Variants in INTS6L observed in about 807,000 individuals in gnomAD.
INTS6L encodes integrator complex subunit 6 like.
Under a neutral mutation model 64.7 loss-of-function variants are expected in INTS6L, and 18 were observed. That is an observed-to-expected ratio of 0.28 (90% CI 0.19 to 0.41). The LOEUF (loss-of-function observed/expected upper bound fraction) is 0.41, where lower values mean the gene tolerates loss of function less well. Among genes scored for constraint, INTS6L ranks in the 10% least tolerant of loss-of-function variants. The pLI, the probability that INTS6L is intolerant of heterozygous loss-of-function variation, is 1.00. For missense variants in INTS6L, 533 were observed against 661.0 expected, an observed-to-expected ratio of 0.81 and a Z score of 2.12; for synonymous variants, 227 against 235.9, an observed-to-expected ratio of 0.96 and a Z score of 0.34.
At chrX:135,552,194 C>T (rs1280608067) in intron 8 of INTS6L, 48 bp downstream of exon 8, 2 of 1,077,377 alleles carry the variant, frequency 1.9e-6, no homozygotes, top group Non-Finnish European at 1.2e-6. Flanking sequence ...ACTCTAGGAT[C>T]TGGGAATTGT....
chrX:135,559,092 T>G (rs1434692618), intron 9 of INTS6L, among the ~76,000 whole-genome samples: 3 of 112,039 alleles, frequency 2.7e-5, no homozygotes, highest in African/African-American at 9.7e-5. Flanking sequence ...CTAAACACAA[T>G]TTTTAATAGG....
chrX:135,570,232 C>T, intron 10 of INTS6L: 3 of 309,795 alleles, frequency 9.7e-6, no homozygotes, highest in South Asian at 1.0e-4. Flanking sequence ...TCTTCTTATC[C>T]CACTCTCTTC....
Position 135,581,631 on chromosome X carries a change from T to C in INTS6L, c.2692T>C (p.Cys898Arg). The C allele has an allele frequency of 1.7e-6, 2 of 1,204,210 alleles. No homozygotes were observed. The highest frequency in any genetic ancestry group is 1.1e-6 in the Non-Finnish European group (1 of 889,600). The change falls in exon 18 of 18, where the codon TGT becomes CGT. Residue 898 changes from cysteine (C) to arginine (R), a missense_variant. Physicochemically the swap from Cys to Arg is radical, Grantham distance 180 (BLOSUM62 -3). Transcript: ENST00000639893. ...TAGTCACATCAACAGCAGATCATCA[T>C]GTTAGTGCAAAGACCAGTGAGAAAA... ...NISHINSRSS[C>R] is the part of the protein sequence containing the mutation.
intron 7 of INTS6L, among the ~76,000 whole-genome samples, chrX:135,551,519 A>C (rs782665192): frequency 1.6e-4 from 18 of 112,023 alleles, no homozygotes; most frequent in African/African-American, 5.2e-4. Flanking sequence ...ACTATTTTTC[A>C]TCTTGCTTGT....
chrX:135,566,281 T>G (rs1200738762), intron 9 of INTS6L, among the ~76,000 whole-genome samples: 2 of 112,451 alleles, frequency 1.8e-5, no homozygotes, highest in Non-Finnish European at 3.8e-5. Context: ...TGTTTAGAAC[T>G]TGCCTGGCAA....
chrX:135,576,198 G>A (rs1556530812), intron 14 of INTS6L, among the ~76,000 whole-genome samples: 1 of 109,915 alleles, frequency 9.1e-6, no homozygotes, highest in African/African-American at 3.3e-5. Flanking sequence ...GTGGTGGTGG[G>A]TGCCTGTAAT....
At chrX:135,567,717 A>G (rs931039744) in intron 9 of INTS6L, among the ~76,000 whole-genome samples, 3 of 112,148 alleles carry the variant, frequency 2.7e-5, no homozygotes. Flanking sequence ...AACAGGATAT[A>G]TCCATGGTCT....
intron 9 of INTS6L, among the ~76,000 whole-genome samples, chrX:135,567,607 T>G (rs1556525389): frequency 3.6e-5 from 4 of 112,265 alleles, no homozygotes; most frequent in Non-Finnish European, 7.5e-5. Context: ...CTTGATTATC[T>G]AATCTATTTA....
At position 135,575,027 on chromosome X, in the gene INTS6L, C is replaced by T. The variant is rs782279126; in HGVS notation, c.1742-57C>T. ...AAACCAAACTATGATCATGTCTTCT[C>T]GAAAGGACCATACGCTTCAGCTATA... is the stretch of plus-strand genomic sequence containing the variant. On this transcript the variant is annotated intron_variant, in intron 13 of 17. Coordinates refer to ENST00000639893, the MANE Select transcript of INTS6L (RefSeq NM_001351601.3). The T allele has an allele frequency of 2.1e-5, 24 of 1,166,887 alleles. No individual in the cohort carries two copies. In the Admixed American group the frequency reaches 2.1e-4, roughly 10 times the overall value.
At chrX:135,563,633 G>GTGTGTGTGTATA (rs1556523326) in intron 9 of INTS6L, among the ~76,000 whole-genome samples, 75 of 10,369 alleles carry the variant, frequency 7.2e-3, no homozygotes, top group African/African-American at 0.013. Flanking sequence ...GTGTGTGTGT[G>GTGTGTGTGTATA]TATATATATA....
intron 8 of INTS6L, among the ~76,000 whole-genome samples, chrX:135,554,809 G>A (rs1242887458): frequency 1.9e-5 from 2 of 107,951 alleles, no homozygotes; most frequent in Non-Finnish European, 3.8e-5. Flanking sequence ...AAATCAATAA[G>A]GAGTAAGAAA....
At chrX:135,545,652 G>A in intron 3 of INTS6L, 80 bp downstream of exon 3, 1 of 970,886 alleles carries the variant, frequency 1.0e-6, no homozygotes. Flanking sequence ...TGATTACTAA[G>A]TTTTCTGCTA....
chrX:135,581,275 C>G, intron 17 of INTS6L, 132 bp downstream of exon 17: 1 of 504,677 alleles, frequency 2.0e-6, no homozygotes, highest in Non-Finnish European at 3.2e-6. Flanking sequence ...ATAGTTAAGG[C>G]TGTCTCCAGA....
chrX:135,568,642 C>T (rs935858634), intron 9 of INTS6L, among the ~76,000 whole-genome samples: 4 of 111,053 alleles, frequency 3.6e-5, no homozygotes, highest in Non-Finnish European at 7.6e-5. Context: ...CTCAACCTCC[C>T]AGGCTCAAGC....
intron 9 of INTS6L, among the ~76,000 whole-genome samples, chrX:135,569,125 G>A (rs993947627): frequency 4.5e-5 from 5 of 111,923 alleles, no homozygotes; most frequent in Non-Finnish European, 9.4e-5. Context: ...GCAGATGAAA[G>A]AGGAATATGT....
At chrX:135,523,933 G>C (rs782327956) in intron 2 of INTS6L, among the ~76,000 whole-genome samples, 1 of 111,322 alleles carries the variant, frequency 9.0e-6, no homozygotes, top group South Asian at 3.7e-4. Flanking sequence ...ATTAATCGTT[G>C]GTTATCTTCT....
intron 13 of INTS6L, 48 bp from the exon 14 acceptor site, chrX:135,575,036 C>T: frequency 8.4e-7 from 1 of 1,190,028 alleles, no homozygotes; most frequent in Non-Finnish European, 1.1e-6. Flanking sequence ...TCGAAAGGAC[C>T]ATACGCTTCA....
At position 135,581,700 on chromosome X, in the gene INTS6L, T is replaced by C; in HGVS notation, c.*64T>C. 1 of 944,616 alleles carries C rather than the reference T, an allele frequency of 1.1e-6. No individual in the cohort carries two copies. Among genetic ancestry groups the C allele is most frequent in the Non-Finnish European group, 1.5e-6 (1 of 664,166 alleles). 77.8% of individuals were successfully genotyped at this position (944,616 alleles called of 1,213,427 possible). Reference sequence around the variant, plus strand: ...GCTGTAGGATGGAACAGGATATTGTTGAAGCCTCCTGGAATGTTTGAGTCA... The same window carrying C: ...GCTGTAGGATGGAACAGGATATTGTCGAAGCCTCCTGGAATGTTTGAGTCA... On this transcript the variant is annotated 3_prime_UTR_variant, in exon 18 of 18. Transcript: ENST00000639893.
intron 8 of INTS6L, 112 bp downstream of exon 8, chrX:135,552,258 A>T: frequency 1.2e-6 from 1 of 848,926 alleles, no homozygotes; most frequent in East Asian, 3.5e-5. Context: ...TGTGCTAATG[A>T]TGTTTCTCAT....
Sources: allele counts gnomAD v4.1 joint callset (sites outside exome capture counted in the v4.1 genomes callset), GRCh38; gene constraint gnomAD v4.1.1; transcripts MANE v1.5; gene names NCBI Gene and HGNC (gene_info 2026-07-23, HGNC 2026-07-21).